Variants in A2M observed in about 807,000 individuals in gnomAD.
The protein encoded by A2M is alpha-2-macroglobulin, also known as C3 and PZP-like alpha-2-macroglobulin domain-containing protein 5.
Under a neutral mutation model 183.9 loss-of-function variants are expected in A2M, and 128 were observed. The observed-to-expected ratio is 0.70, with a 90% CI of 0.60 to 0.81. A2M has a LOEUF of 0.81. A2M is among the 30% of genes least tolerant of loss of function. A2M has a pLI of 0.00. For synonymous variants in A2M, 592 were observed against 670.8 expected (o/e 0.88, Z 1.81); for missense variants, 1,495 against 1,787.6 (o/e 0.84, Z 2.95).
At chr12:9,081,916 C>A (rs1440626451) in intron 22 of A2M, among the ~76,000 whole-genome samples, 1 of 152,188 alleles carries the variant, frequency 6.6e-6, no homozygotes, top group African/African-American at 2.4e-5. Context: ...TTCAGAGATA[C>A]CAGCCAACTG....
intron 20 of A2M, 110 bp downstream of exon 20, chr12:9,090,246 A>G: frequency 6.5e-7 from 1 of 1,533,324 alleles, no homozygotes; most frequent in Non-Finnish European, 9.0e-7. Flanking sequence ...AAGGAAAAAA[A>G]TCGCAGCATC....
rs759727725 is a variant in A2M at position 9,101,217 on chromosome 12, A to G, written c.1495-10T>C. 4.5e-6 allele frequency: 7 copies of G among 1,554,844 alleles called. No homozygotes were observed. In the East Asian group the frequency reaches 7.3e-5, roughly 16 times the overall value. On this transcript the variant is annotated splice_polypyrimidine_tract_variant and intron_variant, in intron 12 of 35. Transcript: ENST00000318602. ...CTCCCTTTGCCATTATCTGCAAAAA[A>G]GGAAATAAAAAGAAATTAAATGTGC...
At chr12:9,102,162 G>C (rs913909020) in intron 11 of A2M, among the ~76,000 whole-genome samples, 24 of 152,318 alleles carry the variant, frequency 1.6e-4, no homozygotes, top group African/African-American at 4.6e-4. Context: ...TTTAAGAGCT[G>C]AGCTGATGAA....
rs1450104476 is a variant in A2M, at chr12:9,112,139, G to A, written c.483+20C>T. 6.2e-7 allele frequency: 1 copy of A among 1,612,408 alleles called. No individual in the cohort carries two copies. The highest frequency in any genetic ancestry group is 2.2e-5 in the East Asian group (1 of 44,858). On this transcript the variant is annotated intron_variant, in intron 4 of 35. Transcript: ENST00000318602. ...CTGTTTATACAGACAATCATTTTATGTAGATAATAGAAAACTCACCAACTC... is the reference window on the plus strand; with the variant it reads ...CTGTTTATACAGACAATCATTTTATATAGATAATAGAAAACTCACCAACTC...
chr12:9,112,564 C>T (rs747321592), intron 2 of A2M, 28 bp from the exon 3 acceptor site: 1 of 1,612,096 alleles, frequency 6.2e-7, no homozygotes, highest in African/African-American at 1.3e-5. Flanking sequence ...TCCTGAAACC[C>T]CATTCAGCAC....
At chr12:9,106,732 CA>C (rs1938321791) in intron 8 of A2M, 127 bp from the exon 9 acceptor site, 1 of 441,594 alleles carries the variant, frequency 2.3e-6, no homozygotes, top group Admixed American at 4.1e-5. Context: ...GACGAGGACA[CA>C]ATAAATATTC....
intron 28 of A2M, among the ~76,000 whole-genome samples, chr12:9,075,446 T>C (rs183060609): frequency 9.0e-4 from 136 of 151,838 alleles, no homozygotes; most frequent in African/African-American, 3.2e-3. Flanking sequence ...TAGCAAAACA[T>C]AAAAAAAATC....
chr12:9,082,094 G>A (rs990135637), intron 22 of A2M, among the ~76,000 whole-genome samples: 2 of 152,174 alleles, frequency 1.3e-5, no homozygotes, highest in Non-Finnish European at 2.9e-5. Flanking sequence ...GAAGTGTAGG[G>A]GTTAAATATG....
At position 9,104,346 on chromosome 12, in the gene A2M, T is replaced by G. The variant is rs771415230; in HGVS notation, c.1159A>C (p.Arg387=). The part of the protein sequence containing the change: ...VPIPNKVIFI[R]GNEANYYSNA... ...GAGTAATAGTTTGCTTCATTTCCTC[T>G]GATGAATATGACTTTATTTGGTATA... Residue 387 remains arginine (R), a synonymous_variant, in exon 11 of 36, where the codon AGA becomes CGA. Coordinates refer to ENST00000318602, the MANE Select transcript of A2M (RefSeq NM_000014.6). 1.2e-6 allele frequency: 2 copies of G among 1,607,244 alleles called. No individual in the cohort carries two copies. Among genetic ancestry groups the G allele is most frequent in the South Asian group, 1.1e-5 (1 of 89,624 alleles).
At position 9,068,227 on chromosome 12, in the gene A2M, G is replaced by T. The variant is rs759381006; in HGVS notation, c.4367-3C>A. ...GTACTCAGCAATTGCAAACTCATCTGAAAAAAAAAAAACCAACAAAAAACC... is the reference window on the plus strand; with the variant it reads ...GTACTCAGCAATTGCAAACTCATCTTAAAAAAAAAAAACCAACAAAAAACC... On this transcript the variant is annotated splice_polypyrimidine_tract_variant and splice_region_variant and intron_variant, in intron 34 of 35. Transcript: ENST00000318602. The T allele has an allele frequency of 3.8e-6, 5 of 1,305,924 alleles. No individual in the cohort carries two copies. The highest frequency in any genetic ancestry group is 5.2e-6 in the Non-Finnish European group (5 of 954,758). 80.9% of individuals were successfully genotyped at this position (1,305,924 alleles called of 1,614,324 possible). A position where few individuals can be genotyped will look rare whatever the true frequency, so the allele number is the denominator to read the frequency against.
In A2M at chr12:9,072,600, G is replaced by GAGA. The variant is rs1383795242; in HGVS notation, c.3975+50_3975+52dup. On this transcript the variant is annotated intron_variant, in intron 30 of 35. Coordinates refer to ENST00000318602, the MANE Select transcript of A2M (RefSeq NM_000014.6). ...GTTTTCTGAGTTAGGACTTCTCAGA[G>GAGA]AGAACAGCTGCTGTCCTCATCTGTC... The GAGA allele has an allele frequency of 1.9e-5, 30 of 1,598,932 alleles. 1 individual carries two copies. The highest frequency in any genetic ancestry group is 3.3e-5 in the South Asian group (3 of 89,994).
intron 7 of A2M, 51 bp downstream of exon 7, chr12:9,109,270 G>T: frequency 7.0e-7 from 1 of 1,432,838 alleles, no homozygotes; most frequent in Non-Finnish European, 9.8e-7. Context: ...CCCAAATGGT[G>T]AGTCTCTTTT....
Position 9,095,092 on chromosome 12 carries a change from G to A in A2M, c.2014-8C>T, listed in dbSNP as rs767329691. The A allele has an allele frequency of 5.5e-6, 8 of 1,444,442 alleles. No individual in the cohort carries two copies. The Admixed American group carries it at 9.4e-5, about 17-fold the overall frequency. 89.5% of individuals were successfully genotyped at this position (1,444,442 alleles called of 1,614,324 possible). On this transcript the variant is annotated splice_region_variant and splice_polypyrimidine_tract_variant and intron_variant, in intron 16 of 35. Coordinates refer to ENST00000318602, the MANE Select transcript of A2M (RefSeq NM_000014.6). ...TGCCTTTAAGCCCATGTCCTGCAAA[G>A]AAAATTATCATCTAATCAGTAAATA...
At chr12:9,112,238 C>G in intron 3 of A2M, 27 bp from the exon 4 acceptor site, 3 of 1,613,638 alleles carry the variant, frequency 1.9e-6, no homozygotes, top group Non-Finnish European at 2.5e-6. Context: ...TTTCATGAGC[C>G]CCCAAACCCA....
chr12:9,100,484 G>A (rs1208562795), intron 13 of A2M, among the ~76,000 whole-genome samples: 1 of 150,770 alleles, frequency 6.6e-6, no homozygotes, highest in Non-Finnish European at 1.5e-5. Context: ...TCACTATGTT[G>A]ACCAGGCTGG....
At position 9,067,817 on chromosome 12, in the gene A2M, T is replaced by C; in HGVS notation, c.*6A>G. The C allele has an allele frequency of 2.5e-6, 4 of 1,612,834 alleles. No individual in the cohort carries two copies. Among genetic ancestry groups the C allele is most frequent in the Non-Finnish European group, 3.4e-6 (4 of 1,179,472 alleles). On this transcript the variant is annotated 3_prime_UTR_variant, in exon 36 of 36. Transcript: ENST00000318602. ...TCCAGCAAAGCACTTTTCAGCCTTG[T>C]GGTCTTCAAGCATTTCCAAGATCTG... is the stretch of plus-strand genomic sequence containing the variant.
In A2M at chr12:9,069,040, C is replaced by T. The variant is rs3026228; in HGVS notation, c.4264-198G>A. On this transcript the variant is annotated intron_variant, in intron 33 of 35. Transcript: ENST00000318602. ...ATTATTTCTTAAATAACTAACATAA[C>T]GCATATACCTCTGTCAATGCCAATA... 3,245 of 476,194 alleles carry T rather than the reference C, an allele frequency of 6.8e-3. 89 individuals carry two copies. Among genetic ancestry groups the T allele is most frequent in the African/African-American group, 0.058 (2,955 of 51,174 alleles). 29.5% of individuals were successfully genotyped at this position (476,194 alleles called of 1,614,324 possible). A position where few individuals can be genotyped will look rare whatever the true frequency, so the allele number is the denominator to read the frequency against.
At chr12:9,111,960 C>T in intron 4 of A2M, 199 bp downstream of exon 4, 1 of 743,336 alleles carries the variant, frequency 1.3e-6, no homozygotes, top group Non-Finnish European at 2.5e-6. Context: ...GACTGAGTAC[C>T]AGCACCAAGA....
chr12:9,095,573 C>T lies in A2M; in HGVS notation c.1979G>A (p.Ser660Asn), dbSNP rs377206600. ...GCTGTACATATCCTTTTCATTTGTACTTGATACTGGAGTATATGTGATTCC... is the reference window on the plus strand; with the variant it reads ...GCTGTACATATCCTTTTCATTTGTATTTGATACTGGAGTATATGTGATTCC... Reference protein sequence around the residue: ...INGITYTPVSSTNEKDMYSFL... With the variant: ...INGITYTPVSNTNEKDMYSFL... Residue 660 changes from serine (S) to asparagine (N), a missense_variant, in exon 16 of 36, where the codon AGT becomes AAT. By Grantham distance (46) the Ser-to-Asn change is conservative (BLOSUM62 1). Transcript: ENST00000318602. 8.7e-6 allele frequency: 14 copies of T among 1,612,354 alleles called. No individual in the cohort carries two copies. Among genetic ancestry groups the T allele is most frequent in the Middle Eastern group, 1.6e-4 (1 of 6,076 alleles).
Sources: allele counts gnomAD v4.1 joint callset (sites outside exome capture counted in the v4.1 genomes callset), GRCh38; gene constraint gnomAD v4.1.1; transcripts MANE v1.5; gene names NCBI Gene and HGNC (gene_info 2026-07-23, HGNC 2026-07-21).